ITGA1: variants seen among roughly 807,000 people sequenced by gnomAD.
The protein encoded by ITGA1 is integrin alpha-1.
ITGA1 carries 85 observed loss-of-function variants against 145.9 expected under a neutral mutation model. The ratio of observed to expected loss-of-function variants is 0.58; its 90% CI spans 0.49 to 0.70. The LOEUF (loss-of-function observed/expected upper bound fraction) is 0.70. Ranked by LOEUF, ITGA1 falls within the 30% of genes least tolerant of loss-of-function variation. The pLI, the probability that ITGA1 is intolerant of heterozygous loss-of-function variation, is 0.00. For synonymous variants in ITGA1, 520 were observed against 495.3 expected (o/e 1.05, Z -0.66); for missense variants, 1,351 against 1,418.7 (o/e 0.95, Z 0.77).
intron 11 of ITGA1, among the ~76,000 whole-genome samples, chr5:52,899,118 T>C (rs908561232): frequency 6.6e-6 from 1 of 152,084 alleles, no homozygotes; most frequent in Non-Finnish European, 1.5e-5. Flanking sequence ...ACTCAACAAA[T>C]ATTTGGGGGA....
intron 19 of ITGA1, among the ~76,000 whole-genome samples, chr5:52,925,925 T>C (rs1256772953): frequency 6.6e-6 from 1 of 152,170 alleles, no homozygotes; most frequent in Non-Finnish European, 1.5e-5. Flanking sequence ...ATATTTGTAT[T>C]AAATAACTGT....
chr5:52,802,725 T>G (rs535537073), intron 1 of ITGA1: 1 of 152,328 alleles, frequency 6.6e-6, no homozygotes, highest in East Asian at 1.9e-4. Context: ...TACTTAATTC[T>G]GTTTTATATT....
At chr5:52,944,117 C>G (rs1363191) in intron 26 of ITGA1, among the ~76,000 whole-genome samples, 23,485 of 152,082 alleles carry the variant, frequency 0.15, 1,918 homozygotes, top group Admixed American at 0.21. Flanking sequence ...TAGAGCCTCT[C>G]TGAAGGAGAT....
Position 52,855,707 on chromosome 5 carries a change from C to T in ITGA1, c.183-5740C>T, listed in dbSNP as rs549164976. Among the ~76,000 whole-genome samples the T allele has an allele frequency of 9.9e-5, 15 of 152,258 alleles. 1 individual carries two copies. The East Asian group carries it at 2.5e-3, about 25-fold the overall frequency. ...GAGAATGCTGGAGATTCCTGAAATT[C>T]TGTAAACCCTATGCTAATACTTTTC... is the stretch of plus-strand genomic sequence containing the variant. On this transcript the variant is annotated intron_variant, in intron 2 of 28. Transcript: ENST00000282588.
At chr5:52,806,361 TTAG>T (rs1347631793) in intron 1 of ITGA1, among the ~76,000 whole-genome samples, 1 of 151,884 alleles carries the variant, frequency 6.6e-6, no homozygotes, top group African/African-American at 2.4e-5. Context: ...AAAACCTGTA[TTAG>T]TAGTCTTGGA....
At chr5:52,876,020 G>T (rs544268842) in intron 6 of ITGA1, among the ~76,000 whole-genome samples, 1 of 151,810 alleles carries the variant, frequency 6.6e-6, no homozygotes, top group South Asian at 2.1e-4. Context: ...GGCTATTTTT[G>T]AGCTGGCTTT....
chr5:52,856,852 C>T (rs565411543), intron 2 of ITGA1, among the ~76,000 whole-genome samples: 147 of 152,148 alleles, frequency 9.7e-4, no homozygotes, highest in Admixed American at 4.3e-3. Context: ...ATAGGTATTC[C>T]CCTATTGCCT....
intron 6 of ITGA1, among the ~76,000 whole-genome samples, chr5:52,872,254 A>G (rs948873923): frequency 1.3e-5 from 2 of 152,084 alleles, no homozygotes; most frequent in African/African-American, 4.8e-5. Flanking sequence ...GTAGGTCTGA[A>G]AAGAAGCCTG....
At chr5:52,832,229 C>A (rs1749082654) in intron 1 of ITGA1, among the ~76,000 whole-genome samples, 1 of 152,072 alleles carries the variant, frequency 6.6e-6, no homozygotes. Flanking sequence ...TCCAGGCTGC[C>A]AACCTGAGAT....
intron 8 of ITGA1, among the ~76,000 whole-genome samples, chr5:52,890,358 T>A (rs190841129): frequency 2.6e-4 from 40 of 152,348 alleles, no homozygotes; most frequent in Non-Finnish European, 7.3e-5. Context: ...AATACTATAT[T>A]AAGATTCATC....
intron 1 of ITGA1, among the ~76,000 whole-genome samples, chr5:52,808,140 A>G (rs1748625517): frequency 6.6e-6 from 1 of 152,224 alleles, no homozygotes; most frequent in East Asian, 1.9e-4. Context: ...ACTGAGGACA[A>G]TACCAGTACC....
chr5:52,935,259 G>A (rs909079337), intron 23 of ITGA1, among the ~76,000 whole-genome samples: 5 of 151,850 alleles, frequency 3.3e-5, no homozygotes, highest in Admixed American at 6.6e-5. Flanking sequence ...GGTGAAACCC[G>A]GTAAGTTTAC....
rs771304125 is a variant in ITGA1, at chr5:52,927,693, A to G, written c.2694+29A>G. The G allele has an allele frequency of 4.4e-6, 6 of 1,373,360 alleles. No homozygotes were observed. In the East Asian group the frequency reaches 1.4e-4, roughly 31 times the overall value. 85.1% of individuals were successfully genotyped at this position (1,373,360 alleles called of 1,614,324 possible). ...AGCAGATCATACAAAATACATGTAG[A>G]AATTGAATATGAAAAGTAATATGTG... On this transcript the variant is annotated intron_variant, in intron 20 of 28. Transcript: ENST00000282588.
chr5:52,880,682 G>A (rs1354545821), intron 6 of ITGA1, among the ~76,000 whole-genome samples: 1 of 152,222 alleles, frequency 6.6e-6, no homozygotes, highest in Non-Finnish European at 1.5e-5. Context: ...AACAGGCAAA[G>A]TAGGCAATTG....
intron 26 of ITGA1, among the ~76,000 whole-genome samples, chr5:52,941,762 CAGA>C (rs943638864): frequency 2.0e-3 from 303 of 152,254 alleles, no homozygotes; most frequent in African/African-American, 7.0e-3. Flanking sequence ...TTTTGTTGTG[CAGA>C]AGCTCTTTAG....
At chr5:52,840,434 G>A (rs909588974) in intron 1 of ITGA1, among the ~76,000 whole-genome samples, 2 of 152,196 alleles carry the variant, frequency 1.3e-5, no homozygotes, top group South Asian at 2.1e-4. Flanking sequence ...ACAAACACAC[G>A]AGTTGTGTTT....
intron 14 of ITGA1, among the ~76,000 whole-genome samples, chr5:52,912,713 T>A (rs1384689892): frequency 7.5e-5 from 1 of 13,400 alleles, no homozygotes; most frequent in Non-Finnish European, 1.6e-4. Context: ...ATATATATAG[T>A]GTGTGTGTGT....
At chr5:52,918,412 C>T (rs1190027229) in intron 15 of ITGA1, among the ~76,000 whole-genome samples, 1 of 152,116 alleles carries the variant, frequency 6.6e-6, no homozygotes, top group Non-Finnish European at 1.5e-5. Context: ...AAATTTGGAA[C>T]AAACTCGTAA....
intron 11 of ITGA1, among the ~76,000 whole-genome samples, chr5:52,900,897 T>A (rs960170213): frequency 6.6e-6 from 1 of 152,006 alleles, no homozygotes; most frequent in Non-Finnish European, 1.5e-5. Flanking sequence ...ATTATGTAAA[T>A]GTTATTATGT....
Sources: allele counts gnomAD v4.1 joint callset (sites outside exome capture counted in the v4.1 genomes callset), GRCh38; gene constraint gnomAD v4.1.1; transcripts MANE v1.5; gene names NCBI Gene and HGNC (gene_info 2026-07-23, HGNC 2026-07-21).